TGFBR3: variants seen among roughly 807,000 people sequenced by gnomAD.
TGFBR3 encodes the protein transforming growth factor beta receptor 3.
A neutral mutation model predicts 87.9 loss-of-function variants in TGFBR3; 46 were observed. The ratio of observed to expected loss-of-function variants is 0.52; its 90% CI spans 0.41 to 0.67. TGFBR3 has a LOEUF of 0.67. Among genes scored for constraint, TGFBR3 ranks in the 30% least tolerant of loss-of-function variants. TGFBR3 has a pLI of 0.00. For missense variants in TGFBR3, 866 were observed against 1,041.9 expected (o/e 0.83, Z 2.32); for synonymous variants, 381 against 391.6 (o/e 0.97, Z 0.32).
intron 2 of TGFBR3, among the ~76,000 whole-genome samples, chr1:91,892,424 T>A (rs974388057): frequency 1.3e-5 from 2 of 152,106 alleles, no homozygotes; most frequent in African/African-American, 4.8e-5. Context: ...AAAAAAAGAA[T>A]CATGAATTAT....
chr1:91,838,253 T>G (rs1305211068), intron 2 of TGFBR3, among the ~76,000 whole-genome samples: 1 of 152,198 alleles, frequency 6.6e-6, no homozygotes, highest in Non-Finnish European at 1.5e-5. Flanking sequence ...TACTGAGGAC[T>G]CCAAAGAGAT....
chr1:91,813,237 A>G (rs1490980310), intron 2 of TGFBR3, among the ~76,000 whole-genome samples: 1 of 152,220 alleles, frequency 6.6e-6, no homozygotes, highest in Non-Finnish European at 1.5e-5. Flanking sequence ...CAGTAATCTA[A>G]TTTGAATGGC....
chr1:91,694,762 A>T (rs144190809), intron 16 of TGFBR3, among the ~76,000 whole-genome samples: 1 of 152,362 alleles, frequency 6.6e-6, no homozygotes, highest in East Asian at 1.9e-4. Context: ...TGACGGATCA[A>T]TCTAGCACAG....
chr1:91,713,963 G>A (rs977666570), intron 12 of TGFBR3, among the ~76,000 whole-genome samples: 5 of 151,316 alleles, frequency 3.3e-5, no homozygotes, highest in African/African-American at 1.2e-4. Flanking sequence ...TCCCAAAAAG[G>A]GATACCTTTG....
In TGFBR3 at chr1:91,683,677, C is replaced by T. The variant is rs1670988681; in HGVS notation, c.*62G>A. 1 of 1,383,976 alleles carries T rather than the reference C, an allele frequency of 7.2e-7. No homozygotes were observed. Among genetic ancestry groups the T allele is most frequent in the Non-Finnish European group, 9.9e-7 (1 of 1,011,764 alleles). 85.7% of individuals were successfully genotyped at this position (1,383,976 alleles called of 1,614,324 possible). ...CACGAGGCTCAGCCATTGGTCCTGC[C>T]CTTGGCAGTAGCTGAGCTGAGCTGG... On this transcript the variant is annotated 3_prime_UTR_variant, in exon 17 of 17. Transcript: ENST00000212355.
rs1193664231 is a variant in TGFBR3, at chr1:91,683,238, TAGAC to T, written c.*497_*500del. 4.4e-6 allele frequency: 2 copies of T among 454,654 alleles called. No homozygotes were observed. The highest frequency in any genetic ancestry group is 6.9e-5 in the East Asian group (1 of 14,412). The allele number at this position is 454,654 out of a possible 1,614,324, so 28.2% of individuals were successfully genotyped here. On this transcript the variant is annotated 3_prime_UTR_variant, in exon 17 of 17. Coordinates refer to ENST00000212355, the MANE Select transcript of TGFBR3 (RefSeq NM_003243.5). ...TGTGCATCCAGACAAAGGTGCAAAT[TAGAC>T]AGGAGGATCGCTTAGAAAGCCTCAA...
chr1:91,781,498 T>C (rs1447530346), intron 3 of TGFBR3, among the ~76,000 whole-genome samples: 1 of 152,196 alleles, frequency 6.6e-6, no homozygotes, highest in Non-Finnish European at 1.5e-5. Context: ...CCCACAGTTC[T>C]GCTGGAAATG....
intron 2 of TGFBR3, among the ~76,000 whole-genome samples, chr1:91,809,414 A>G (rs1357679710): frequency 6.6e-6 from 1 of 152,218 alleles, no homozygotes; most frequent in Non-Finnish European, 1.5e-5. Flanking sequence ...CAGAGTCTGA[A>G]GCAGAGACAA....
chr1:91,873,510 C>T (rs751538864), intron 1 of TGFBR3, among the ~76,000 whole-genome samples: 23 of 151,762 alleles, frequency 1.5e-4, no homozygotes, highest in Non-Finnish European at 2.8e-4. Flanking sequence ...TGCTCTCAAA[C>T]TCCTGTCCTC....
chr1:91,887,236 CTTTTTTT>C (rs71087977), upstream of TGFBR3, among the ~76,000 whole-genome samples: 19 of 41,416 alleles, frequency 4.6e-4, no homozygotes, highest in African/African-American at 7.0e-4. Flanking sequence ...GGACCTATGC[CTTTTTTT>C]TTTTTTTTTT....
chr1:91,719,706 T>C (rs571175083), intron 9 of TGFBR3, among the ~76,000 whole-genome samples, 187 bp downstream of exon 9: 1 of 151,988 alleles, frequency 6.6e-6, no homozygotes, highest in Non-Finnish European at 1.5e-5. Flanking sequence ...CCACCCCCTG[T>C]CACTGAGAAC....
At chr1:91,866,239 T>A (rs1406916736) in intron 1 of TGFBR3, among the ~76,000 whole-genome samples, 1 of 152,208 alleles carries the variant, frequency 6.6e-6, no homozygotes, top group African/African-American at 2.4e-5. Flanking sequence ...GCAAAATGGA[T>A]GTCTGGCAAT....
Position 91,680,944 on chromosome 1 carries a change from T to C in TGFBR3, c.*2795A>G. The C allele has an allele frequency of 2.2e-6, 1 of 454,132 alleles. No individual in the cohort carries two copies. Among genetic ancestry groups the C allele is most frequent in the Non-Finnish European group, 4.4e-6 (1 of 226,788 alleles). The allele number at this position is 454,132 out of a possible 1,614,324, so 28.1% of individuals were successfully genotyped here. On this transcript the variant is annotated 3_prime_UTR_variant, in exon 17 of 17. Transcript: ENST00000212355. ...GCTTTTTAAAATACAGAGTAACAGC[T>C]GGTAAACACCACATGGTGAAAAGCT...
intron 16 of TGFBR3, among the ~76,000 whole-genome samples, chr1:91,686,073 A>G (rs1671081463): frequency 6.6e-6 from 1 of 152,206 alleles, no homozygotes; most frequent in African/African-American, 2.4e-5. Context: ...TCAGCCCAAC[A>G]GCAGGTAAAA....
intron 3 of TGFBR3, among the ~76,000 whole-genome samples, chr1:91,779,653 C>G (rs968179342): frequency 1.3e-5 from 2 of 152,178 alleles, no homozygotes; most frequent in African/African-American, 4.8e-5. Context: ...AGGACTGTGG[C>G]CCTGGCAACT....
At chr1:91,799,494 T>C (rs1324595247) in intron 2 of TGFBR3, among the ~76,000 whole-genome samples, 1 of 152,238 alleles carries the variant, frequency 6.6e-6, no homozygotes, top group Non-Finnish European at 1.5e-5. Flanking sequence ...GTGGGATGTC[T>C]GGTATACTTC....
intron 1 of TGFBR3, among the ~76,000 whole-genome samples, chr1:91,905,578 G>A (rs1441875306): frequency 1.3e-5 from 2 of 151,982 alleles, no homozygotes; most frequent in Admixed American, 6.6e-5. Context: ...GATTACAGGC[G>A]CCCACCAGCA....
chr1:91,786,105 T>C (rs1674949065), intron 3 of TGFBR3: 2 of 427,166 alleles, frequency 4.7e-6, no homozygotes, highest in South Asian at 1.7e-5. Context: ...TTATTTGTCA[T>C]GTTTCATTAA....
chr1:91,692,614 T>C (rs1330766309), intron 16 of TGFBR3, among the ~76,000 whole-genome samples: 2 of 152,164 alleles, frequency 1.3e-5, no homozygotes, highest in Non-Finnish European at 2.9e-5. Context: ...ATGAACATTC[T>C]ATGGTTCCAG....
Sources: gnomAD v4.1 joint callset for allele counts (sites outside exome capture counted in the v4.1 genomes callset) on GRCh38, gnomAD v4.1.1 for gene constraint, MANE v1.5 for transcripts, NCBI Gene and HGNC (gene_info 2026-07-23, HGNC 2026-07-21) for gene names.